Variants in PDZD7 observed in about 807,000 individuals in gnomAD.
The protein encoded by PDZD7 is PDZ domain-containing protein 7.
PDZD7 carries 72 observed loss-of-function variants against 84.7 expected under a neutral mutation model. The observed-to-expected ratio is 0.85, with a 90% confidence interval of 0.70 to 1.03. The LOEUF (loss-of-function observed/expected upper bound fraction) is 1.03, where lower values mean the gene tolerates loss of function less well. Among genes scored for constraint, PDZD7 ranks in the 50% least tolerant of loss-of-function variants. PDZD7 has a pLI of 0.00. For missense variants in PDZD7, 1,490 were observed against 1,412.9 expected (o/e 1.05, Z -0.87); for synonymous variants, 594 against 580.7 (o/e 1.02, Z -0.33).
Position 101,018,204 on chromosome 10 carries a change from T to G in PDZD7, c.1417A>C (p.Lys473Gln). Residue 473 changes from lysine (K) to glutamine (Q), a missense_variant, in exon 9 of 17, where the codon AAG (lysine) becomes CAG (glutamine). Physicochemically the swap from Lys to Gln is moderately conservative, Grantham distance 53. Coordinates refer to ENST00000619208, the MANE Select transcript of PDZD7 (RefSeq NM_001195263.2). ...RSKTLMNLFF[K>Q]GGRQGRLARD... ...GCTAGCCTCCCCTGCCGCCCTCCCT[T>G]GAAGAAGAGGTTCATCAGCGTCTTG... 6.2e-7 allele frequency: 1 copy of G among 1,614,234 alleles called. No individual in the cohort carries two copies.
rs1417289655 is a variant in PDZD7, at chr10:101,010,630, T to G, written c.2259A>C (p.Thr753=). The G allele has an allele frequency of 5.3e-6, 8 of 1,499,620 alleles. No homozygotes were observed. In the East Asian group the frequency reaches 1.5e-4, roughly 28 times the overall value. The allele number at this position is 1,499,620 out of a possible 1,614,324, so 92.9% of individuals were successfully genotyped here. A position where few individuals can be genotyped will look rare whatever the true frequency, so the allele number is the denominator to read the frequency against. ...PRPLRPNWLL[T]EPLSREHPPQ... ...GAGGGTGCTCTCGGCTCAGGGGTTC[T>G]GTCAGCAGCCAGTTAGGCCGCAGGG... Residue 753 remains threonine (T), a synonymous_variant, in exon 15 of 17, where the codon ACA becomes ACC. Transcript: ENST00000619208.
chr10:101,026,887 C>T (rs79509258), intron 2 of PDZD7, among the ~76,000 whole-genome samples: 1 of 151,958 alleles, frequency 6.6e-6, no homozygotes, highest in South Asian at 2.1e-4. Context: ...AGCCAAGGAG[C>T]CTTTTACTCC....
At position 101,008,626 on chromosome 10, in the gene PDZD7, A is replaced by C; in HGVS notation, c.2943T>G (p.Asp981Glu). The C allele has an allele frequency of 1.3e-6, 2 of 1,535,920 alleles. No individual in the cohort carries two copies. The highest frequency in any genetic ancestry group is 1.7e-6 in the Non-Finnish European group (2 of 1,146,672). Reference sequence around the variant, plus strand: ...GCCAGTGGGCAGGAACTGGAGCAGCATCAAGGGGTTGGTGGGCAGGCAAGT... The same window carrying C: ...GCCAGTGGGCAGGAACTGGAGCAGCCTCAAGGGGTTGGTGGGCAGGCAAGT... ...ADHLPAHQPL[D>E]AAPVPAHWLP... Residue 981 changes from aspartate (D) to glutamate (E), a missense_variant, in exon 17 of 17, where the codon GAT becomes GAG. Physicochemically the swap from Asp to Glu is conservative, Grantham distance 45 (BLOSUM62 2). Transcript: ENST00000619208.
intron 2 of PDZD7, among the ~76,000 whole-genome samples, chr10:101,025,743 T>C (rs762280770): frequency 1.5e-4 from 22 of 151,372 alleles, no homozygotes; most frequent in Non-Finnish European, 2.4e-4. Flanking sequence ...GAGACGGGGT[T>C]TCACCGTGTT....
intron 6 of PDZD7, 79 bp from the exon 7 acceptor site, chr10:101,020,757 A>T (rs1853044725): frequency 9.8e-7 from 1 of 1,018,108 alleles, no homozygotes; most frequent in Middle Eastern, 2.1e-4. Context: ...GGGTGACAGG[A>T]TGGGAGTAAA....
chr10:101,015,040 ACTCT>A (rs975413413), intron 11 of PDZD7, among the ~76,000 whole-genome samples: 1 of 151,988 alleles, frequency 6.6e-6, no homozygotes, highest in Admixed American at 6.6e-5. Context: ...TTCAAATCTG[ACTCT>A]CTCTCCACCC....
In PDZD7 at chr10:101,019,007, AC is replaced by A; in HGVS notation, c.1138del (p.Val380TrpfsTer59). 1 of 1,573,762 alleles carries A rather than the reference AC, an allele frequency of 6.4e-7. No individual in the cohort carries two copies. Among genetic ancestry groups the A allele is most frequent in the Non-Finnish European group, 8.6e-7 (1 of 1,162,206 alleles). On this transcript the variant is annotated frameshift_variant, in exon 8 of 17. Coordinates refer to ENST00000619208, the MANE Select transcript of PDZD7 (RefSeq NM_001195263.2). LOFTEE classifies it high-confidence loss of function. ...MQTEPDAGGR[V>X]ETWCSVRPTV... ...GGGCCGCACGCTGCACCAGGTCTCC[AC>A]CCGGCCTCCCGCATCGGGCTCCGTC...
In PDZD7 at chr10:101,018,863, CG is replaced by C. The variant is rs773211195; in HGVS notation, c.1282del (p.Arg428GlyfsTer11). ...TALLLALSRP[R>X]PPITRSQSYL... Reference sequence around the variant, plus strand: ...GCTCTGGGAGCGCGTGATGGGGGGCCGGGGTCGGCTGAGGGCCAGCAGCAAA... The same window carrying C: ...GCTCTGGGAGCGCGTGATGGGGGGCCGGGTCGGCTGAGGGCCAGCAGCAAA... On this transcript the variant is annotated frameshift_variant, in exon 8 of 17. Coordinates refer to ENST00000619208, the MANE Select transcript of PDZD7 (RefSeq NM_001195263.2). LOFTEE classifies it high-confidence loss of function. 5 of 1,603,204 alleles carry C rather than the reference CG, an allele frequency of 3.1e-6. No individual in the cohort carries two copies. Among genetic ancestry groups the C allele is most frequent in the South Asian group, 2.2e-5 (2 of 89,168 alleles).
chr10:101,017,795 AAAAGAAAG>A, intron 9 of PDZD7: 2 of 467,684 alleles, frequency 4.3e-6, no homozygotes, highest in South Asian at 3.0e-5. Flanking sequence ...TCAAAAAAAA[AAAAGAAAG>A]AAAAAGAAAG....
At chr10:101,011,882 C>A (rs1852404531) in intron 13 of PDZD7, 43 bp downstream of exon 13, 1 of 1,549,386 alleles carries the variant, frequency 6.5e-7, no homozygotes, top group Non-Finnish European at 8.7e-7. Flanking sequence ...TCCCCACCCC[C>A]AGCAGGGCTC....
chr10:101,029,018 A>G (rs144997666), intron 2 of PDZD7, among the ~76,000 whole-genome samples: 78 of 152,330 alleles, frequency 5.1e-4, no homozygotes, highest in Non-Finnish European at 9.0e-4. Context: ...TGAACAGTCC[A>G]GTCTGGGATC....
In PDZD7 at chr10:101,010,424, A is replaced by G; in HGVS notation, c.2465T>C (p.Leu822Pro). 6.5e-7 allele frequency: 1 copy of G among 1,536,034 alleles called. No homozygotes were observed. Among genetic ancestry groups the G allele is most frequent in the Non-Finnish European group, 8.7e-7 (1 of 1,146,878 alleles). ...YHKPRKARPP[L>P]PRPLDGEAAK... ...TGCCTCCCCATCCAGAGGTCGTGGC[A>G]GAGGGGGTCTGGCCTTCCGAGGCTT... The change falls in exon 15 of 17, where the codon CTG (leucine) becomes CCG (proline). Residue 822 changes from leucine (L) to proline (P), a missense_variant. By Grantham distance (98) the Leu-to-Pro change is moderately conservative. Transcript: ENST00000619208.
chr10:101,024,041 T>G lies in PDZD7; in HGVS notation c.254A>C (p.His85Pro). ...TGGACTCTTCTCCACCCGGACTGAATGGATGATGTCACTTTCATCACTGTT... is the reference window on the plus strand; with the variant it reads ...TGGACTCTTCTCCACCCGGACTGAAGGGATGATGTCACTTTCATCACTGTT... ...EANSDESDII[H>P]SVRVEKSPAG... Residue 85 changes from histidine (H) to proline (P), a missense_variant, in exon 3 of 17, where the codon CAT becomes CCT. Transcript: ENST00000619208. 1 of 1,614,266 alleles carries G rather than the reference T, an allele frequency of 6.2e-7. No individual in the cohort carries two copies. Among genetic ancestry groups the G allele is most frequent in the Non-Finnish European group, 8.5e-7 (1 of 1,180,042 alleles).
chr10:101,022,015 T>C, intron 5 of PDZD7, 70 bp from the exon 6 acceptor site: 1 of 1,588,214 alleles, frequency 6.3e-7, no homozygotes, highest in Non-Finnish European at 8.6e-7. Flanking sequence ...CAGACCCCCT[T>C]CTCTTGGACA....
chr10:101,010,603 C>T lies in PDZD7; in HGVS notation c.2286G>A (p.Pro762=), dbSNP rs1852362697. ...LTEPLSREHP[P]QSQIRGRAQS... is the part of the protein sequence containing the mutation. ...GAGCCCGGCCCCGGATCTGGCTCTG[C>T]GGAGGGTGCTCTCGGCTCAGGGGTT... Residue 762 remains proline (P), a synonymous_variant, in exon 15 of 17, where the codon CCG becomes CCA. Transcript: ENST00000619208. 5 of 1,505,980 alleles carry T rather than the reference C, an allele frequency of 3.3e-6. No homozygotes were observed. The highest frequency in any genetic ancestry group is 1.3e-5 in the South Asian group (1 of 79,654). The allele number at this position is 1,505,980 out of a possible 1,614,324, so 93.3% of individuals were successfully genotyped here. A position where few individuals can be genotyped will look rare whatever the true frequency, so the allele number is the denominator to read the frequency against.
chr10:101,015,651 G>A lies in PDZD7; in HGVS notation c.1734C>T (p.Thr578=). ...LLTDDEVLAV[T]RHCSRYVHEG... The stretch of plus-strand genomic sequence containing the variant: ...GAAGGCTTACCCGGGAGCAGTGGCG[G>A]GTGACAGCCAGCACCTCGTCATCAG... The change falls in exon 11 of 17, where the codon ACC becomes ACT. Residue 578 remains threonine, a synonymous_variant. Transcript: ENST00000619208. 1 of 1,549,770 alleles carries A rather than the reference G, an allele frequency of 6.5e-7. No homozygotes were observed. Among genetic ancestry groups the A allele is most frequent in the Non-Finnish European group, 8.7e-7 (1 of 1,146,368 alleles).
At chr10:101,014,661 A>G (rs567204175) in intron 11 of PDZD7, among the ~76,000 whole-genome samples, 1 of 118,206 alleles carries the variant, frequency 8.5e-6, no homozygotes, top group Admixed American at 9.8e-5. Flanking sequence ...TCTCCAGGTG[A>G]CAATGCATGG....
intron 3 of PDZD7, 119 bp from the exon 4 acceptor site, chr10:101,023,729 GCAGGGGC>G: frequency 6.9e-7 from 1 of 1,450,978 alleles, no homozygotes; most frequent in Non-Finnish European, 9.5e-7. Flanking sequence ...GATTGTCAGA[GCAGGGGC>G]TGAGTGTTCC....
At position 101,017,904 on chromosome 10, in the gene PDZD7, GA is replaced by G. The variant is rs1564632765; in HGVS notation, c.1522+194del. The G allele has an allele frequency of 8.7e-6, 4 of 460,168 alleles. No homozygotes were observed. The African/African-American group carries it at 9.9e-5, about 11-fold the overall frequency. The allele number at this position is 460,168 out of a possible 1,614,324, so 28.5% of individuals were successfully genotyped here. On this transcript the variant is annotated intron_variant, in intron 9 of 16. Transcript: ENST00000619208. ...GAAAGAAAGAAAGAAAAGAAAGAAA[GA>G]AAGAAAGAAAAGAAAGAAAGAAAAA...
Sources: gnomAD v4.1 joint callset for allele counts (sites outside exome capture counted in the v4.1 genomes callset) on GRCh38, gnomAD v4.1.1 for gene constraint, MANE v1.5 for transcripts, NCBI Gene and HGNC (gene_info 2026-07-23, HGNC 2026-07-21) for gene names.